The following RIC8B variants were observed in gnomAD, a reference collection of about 807,000 sequenced individuals.
The protein encoded by RIC8B is chaperone Ric-8B.
Under a neutral mutation model 57.5 loss-of-function variants are expected in RIC8B, and 16 were observed. The observed-to-expected ratio is 0.28, with a 90% CI of 0.19 to 0.42. The LOEUF is 0.42. RIC8B is among the 10% of genes least tolerant of loss of function. RIC8B has a pLI of 1.00. For missense variants in RIC8B, 481 were observed against 677.0 expected, an observed-to-expected ratio of 0.71 and a Z score of 3.21; for synonymous variants, 216 against 250.8, an observed-to-expected ratio of 0.86 and a Z score of 1.31.
In RIC8B at chr12:106,879,929, C is replaced by T. The variant is rs918430804; in HGVS notation, c.1572-5975C>T. The T allele has an allele frequency of 5.1e-6, 5 of 985,108 alleles. No homozygotes were observed. The African/African-American group carries it at 8.7e-5, about 17-fold the overall frequency. The allele number at this position is 985,108 out of a possible 1,614,324, so 61.0% of individuals were successfully genotyped here. A position where few individuals can be genotyped will look rare whatever the true frequency, so the allele number is the denominator to read the frequency against. On this transcript the variant is annotated intron_variant, in intron 9 of 9. Coordinates refer to ENST00000392837, the MANE Select transcript of RIC8B (RefSeq NM_001330145.2). The surrounding 1 kb of genome is among the most constrained non-coding windows in gnomAD (Gnocchi z 4.9). ...AGGGCAGTCTTAACTTGTGTTAAGG[C>T]CTGTGTGTAGCATTGAAGGTAAGTA...
intron 1 of RIC8B, among the ~76,000 whole-genome samples, chr12:106,783,301 A>G (rs2043849113): frequency 6.6e-6 from 1 of 152,136 alleles, no homozygotes; most frequent in South Asian, 2.1e-4. Flanking sequence ...TGAACTAGGT[A>G]CACCCTGTTT....
intron 2 of RIC8B, among the ~76,000 whole-genome samples, chr12:106,786,041 C>G (rs1271019310): frequency 6.6e-6 from 1 of 151,014 alleles, no homozygotes; most frequent in Non-Finnish European, 1.5e-5. Flanking sequence ...GAGACGGGCT[C>G]TCACTCTGTT....
chr12:106,817,225 G>A (rs577059514), intron 3 of RIC8B, among the ~76,000 whole-genome samples: 31 of 152,294 alleles, frequency 2.0e-4, no homozygotes, highest in African/African-American at 7.0e-4. Flanking sequence ...AATAGGCATT[G>A]TCTTTGCCTT....
chr12:106,784,117 C>G lies in RIC8B; in HGVS notation c.132+73C>G. On this transcript the variant is annotated intron_variant, in intron 2 of 9. Coordinates refer to ENST00000392837, the MANE Select transcript of RIC8B (RefSeq NM_001330145.2). ...ATTCATGGACTTTCTAAGCAGTGGT[C>G]ATGTTTTCATCTGATGGTTATTGAT... 4.5e-6 allele frequency: 6 copies of G among 1,335,804 alleles called. No individual in the cohort carries two copies. The South Asian group carries it at 7.5e-5, about 17-fold the overall frequency. 82.7% of individuals were successfully genotyped at this position (1,335,804 alleles called of 1,614,324 possible).
chr12:106,876,900 T>C (rs1328471984), intron 9 of RIC8B, among the ~76,000 whole-genome samples: 2 of 152,136 alleles, frequency 1.3e-5, no homozygotes, highest in African/African-American at 4.8e-5. Flanking sequence ...TGCTGACCTA[T>C]TAATATTTAT....
At chr12:106,775,450 C>A in intron 1 of RIC8B, 3 of 436,782 alleles carry the variant, frequency 6.9e-6, no homozygotes, top group Non-Finnish European at 1.4e-5. Context: ...AATGTAACTC[C>A]TAATGATACC....
intron 4 of RIC8B, among the ~76,000 whole-genome samples, chr12:106,831,978 C>T (rs1309330077): frequency 6.6e-6 from 1 of 152,218 alleles, no homozygotes; most frequent in Non-Finnish European, 1.5e-5. Flanking sequence ...CTACTCTGCT[C>T]TTCTTTCTCT....
In RIC8B at chr12:106,889,113, A is replaced by G. The variant is rs1593439742; in HGVS notation, c.*3098A>G. 2.0e-5 allele frequency: 3 copies of G among 152,172 alleles called. No individual in the cohort carries two copies. In the South Asian group the frequency reaches 6.2e-4, roughly 32 times the overall value. The allele number at this position is 152,172 out of a possible 1,614,324, so 9.4% of individuals were successfully genotyped here. Reference sequence around the variant, plus strand: ...AAAGTTTGGAAAATGCAGAAAATAAAATTAATAATTTACCCCAAATCCCAC... The same window carrying G: ...AAAGTTTGGAAAATGCAGAAAATAAGATTAATAATTTACCCCAAATCCCAC... On this transcript the variant is annotated 3_prime_UTR_variant, in exon 10 of 10. Transcript: ENST00000392837.
At chr12:106,877,922 T>TC (rs1950740890) in intron 9 of RIC8B, among the ~76,000 whole-genome samples, 1 of 152,162 alleles carries the variant, frequency 6.6e-6, no homozygotes, top group African/African-American at 2.4e-5. Flanking sequence ...CAATTGGACA[T>TC]CCCTGGTTTA....
At chr12:106,774,880 C>A in intron 1 of RIC8B, 51 bp downstream of exon 1, 1 of 1,382,542 alleles carries the variant, frequency 7.2e-7, no homozygotes, top group Non-Finnish European at 9.9e-7. Flanking sequence ...GGGCCGCCCT[C>A]CGTGCTTGCA....
Position 106,887,616 on chromosome 12 carries a change from T to C in RIC8B, c.*1601T>C, listed in dbSNP as rs1291816791. 6.6e-6 allele frequency: 1 copy of C among 152,216 alleles called. No individual in the cohort carries two copies. Among genetic ancestry groups the C allele is most frequent in the East Asian group, 1.9e-4 (1 of 5,206 alleles). The allele number at this position is 152,216 out of a possible 1,614,324, so 9.4% of individuals were successfully genotyped here. ...ATTTGCATACGCTTCCAACATGTTTTATTAGCTGGCTTTGAAGCTCACAAA... is the reference window on the plus strand; with the variant it reads ...ATTTGCATACGCTTCCAACATGTTTCATTAGCTGGCTTTGAAGCTCACAAA... On this transcript the variant is annotated 3_prime_UTR_variant, in exon 10 of 10. Coordinates refer to ENST00000392837, the MANE Select transcript of RIC8B (RefSeq NM_001330145.2).
chr12:106,859,886 GT>G (rs1949857574), intron 7 of RIC8B, among the ~76,000 whole-genome samples: 1 of 152,000 alleles, frequency 6.6e-6, no homozygotes, highest in Admixed American at 6.6e-5. Flanking sequence ...TATTGCTAAA[GT>G]CCCAATCTGA....
intron 8 of RIC8B, among the ~76,000 whole-genome samples, chr12:106,864,766 C>T (rs1950069570): frequency 6.6e-6 from 1 of 152,116 alleles, no homozygotes; most frequent in Non-Finnish European, 1.5e-5. Context: ...TGTTATGCAA[C>T]CATCACCACT....
intron 4 of RIC8B, among the ~76,000 whole-genome samples, chr12:106,827,755 A>C (rs534795553): frequency 1.3e-5 from 2 of 152,360 alleles, no homozygotes; most frequent in South Asian, 4.1e-4. Context: ...ATTTTGACCC[A>C]CTGTAATTTT....
intron 3 of RIC8B, chr12:106,822,831 A>G (rs953692487): frequency 6.6e-6 from 1 of 152,650 alleles, no homozygotes; most frequent in African/African-American, 2.4e-5. Flanking sequence ...AGTAGTGTGA[A>G]TGAATCTCAC....
At chr12:106,860,052 T>G (rs912885040) in intron 7 of RIC8B, among the ~76,000 whole-genome samples, 6 of 152,130 alleles carry the variant, frequency 3.9e-5, no homozygotes, top group Non-Finnish European at 7.4e-5. Flanking sequence ...CAGCTCTGCT[T>G]TAGTTTCTGG....
chr12:106,821,417 T>G (rs922991780), intron 3 of RIC8B, among the ~76,000 whole-genome samples: 6 of 152,202 alleles, frequency 3.9e-5, no homozygotes, highest in African/African-American at 1.4e-4. Flanking sequence ...TTATCAATTG[T>G]ATGGCCATAT....
At chr12:106,828,654 C>A (rs1286887873) in intron 4 of RIC8B, among the ~76,000 whole-genome samples, 4 of 152,178 alleles carry the variant, frequency 2.6e-5, no homozygotes, top group Non-Finnish European at 5.9e-5. Context: ...TCTTCCCTGG[C>A]AATGAGAAAA....
intron 6 of RIC8B, among the ~76,000 whole-genome samples, 188 bp from the exon 7 acceptor site, chr12:106,851,262 A>G (rs1172857810): frequency 2.0e-5 from 3 of 150,826 alleles, no homozygotes; most frequent in African/African-American, 7.3e-5. Context: ...CATCAGAGGC[A>G]TGAAATCACT....
Sources: allele counts gnomAD v4.1 joint callset (sites outside exome capture counted in the v4.1 genomes callset), GRCh38; gene constraint gnomAD v4.1.1; non-coding constraint Gnocchi (gnomAD v3.1); transcripts MANE v1.5; gene names NCBI Gene and HGNC (gene_info 2026-07-23, HGNC 2026-07-21).